TRAF1: variants seen among roughly 807,000 people sequenced by gnomAD.
TRAF1 encodes the protein TNF receptor-associated factor 1.
A neutral mutation model predicts 40.9 loss-of-function variants in TRAF1; 23 were observed. The observed-to-expected ratio is 0.56, with a 90% CI of 0.40 to 0.80. The LOEUF is 0.80. Among genes scored for constraint, TRAF1 ranks in the 30% least tolerant of loss-of-function variants. The pLI is 0.00. For missense variants in TRAF1, 477 were observed against 528.7 expected, an observed-to-expected ratio of 0.90 and a Z score of 0.96; for synonymous variants, 206 against 218.8, an observed-to-expected ratio of 0.94 and a Z score of 0.52.
In TRAF1 at chr9:120,916,894, G is replaced by A. The variant is rs546495078; in HGVS notation, c.229-2594C>T. ...AGGGAAGATGCTATGTGTAGACCTGGCTCCTTGGTGAATATACCTGGGGGA... is the reference window on the plus strand; with the variant it reads ...AGGGAAGATGCTATGTGTAGACCTGACTCCTTGGTGAATATACCTGGGGGA... On this transcript the variant is annotated intron_variant, in intron 3 of 7. Coordinates refer to ENST00000373887, the MANE Select transcript of TRAF1 (RefSeq NM_005658.5). 3.9e-5 allele frequency among the ~76,000 whole-genome samples: 6 copies of A among 152,242 alleles called. No individual in the cohort carries two copies. In the East Asian group the frequency reaches 9.6e-4, roughly 24 times the overall value.
chr9:120,912,144 G>A (rs761212502), intron 5 of TRAF1, among the ~76,000 whole-genome samples: 18 of 152,138 alleles, frequency 1.2e-4, no homozygotes, highest in Non-Finnish European at 1.9e-4. Context: ...AAATTTAATC[G>A]TTAATTTTAC....
intron 3 of TRAF1, among the ~76,000 whole-genome samples, chr9:120,919,023 C>T (rs549547718): frequency 2.6e-5 from 4 of 152,278 alleles, no homozygotes; most frequent in South Asian, 2.1e-4. Flanking sequence ...GCCTGGAGTC[C>T]GTGTGCAGGC....
chr9:120,906,491 T>C (rs943724783), intron 7 of TRAF1, among the ~76,000 whole-genome samples: 1 of 152,180 alleles, frequency 6.6e-6, no homozygotes, highest in Non-Finnish European at 1.5e-5. Context: ...GAATTTTTAA[T>C]AGATTGTATT....
chr9:120,912,245 G>T (rs1479387855), intron 5 of TRAF1, among the ~76,000 whole-genome samples: 3 of 152,192 alleles, frequency 2.0e-5, no homozygotes, highest in Admixed American at 6.5e-5. Context: ...ATTGCGAATG[G>T]TGAGGCAGAT....
At chr9:120,905,284 G>A (rs754012669) in intron 7 of TRAF1, 46 bp from the exon 8 acceptor site, 65 of 1,546,092 alleles carry the variant, frequency 4.2e-5, no homozygotes, top group African/African-American at 5.5e-5. Context: ...CAGCAGCAGC[G>A]CAGCTTGGAG....
At chr9:120,918,640 C>G (rs2046584548) in intron 3 of TRAF1, among the ~76,000 whole-genome samples, 1 of 152,152 alleles carries the variant, frequency 6.6e-6, no homozygotes, top group African/African-American at 2.4e-5. Flanking sequence ...AGGAACATTC[C>G]TAAATGAACA....
chr9:120,905,206 A>T lies in TRAF1; in HGVS notation c.1065T>A (p.Arg355=). The T allele has an allele frequency of 6.2e-7, 1 of 1,613,436 alleles. No individual in the cohort carries two copies. ...GCCGGAAGGCGTCAATGGCGTGCTC[A>T]CGGTTGTTCTGGTCCAGCAGCATGA... ...VTFMLLDQNN[R]EHAIDAFRPD... Residue 355 remains arginine (R), a synonymous_variant, in exon 8 of 8, where the codon CGT becomes CGA. Transcript: ENST00000373887.
chr9:120,910,735 A>G (rs1457326985), intron 6 of TRAF1, among the ~76,000 whole-genome samples: 1 of 152,222 alleles, frequency 6.6e-6, no homozygotes, highest in African/African-American at 2.4e-5. Flanking sequence ...GCACTGTTAT[A>G]TTAACAGATA....
In TRAF1 at chr9:120,905,094, G is replaced by A. The variant is rs755051203; in HGVS notation, c.1177C>T (p.Leu393=). The change falls in exon 8 of 8, where the codon CTG becomes TTG. Residue 393 remains leucine, a synonymous_variant. Coordinates refer to ENST00000373887, the MANE Select transcript of TRAF1 (RefSeq NM_005658.5). ...GCPLFFPLSK[L]QSPKHAYVKD... Reference sequence around the variant, plus strand: ...ACGTAGGCGTGCTTGGGTGACTGCAGTTTGCTGAGGGGGAAGAAGAGTGGG... The same window carrying A: ...ACGTAGGCGTGCTTGGGTGACTGCAATTTGCTGAGGGGGAAGAAGAGTGGG... 1.2e-6 allele frequency: 2 copies of A among 1,614,276 alleles called. No individual in the cohort carries two copies. Among genetic ancestry groups the A allele is most frequent in the Non-Finnish European group, 1.7e-6 (2 of 1,180,056 alleles).
intron 3 of TRAF1, chr9:120,914,606 G>A (rs1432313112): frequency 1.3e-5 from 14 of 1,046,068 alleles, no homozygotes; most frequent in African/African-American, 5.0e-5. Context: ...TGGTCGGGGG[G>A]GCTCTGTGAG....
In TRAF1 at chr9:120,904,875, C is replaced by T. The variant is rs73662463; in HGVS notation, c.*145G>A. On this transcript the variant is annotated 3_prime_UTR_variant, in exon 8 of 8. Transcript: ENST00000373887. ...TGCCATCCTAACCAGATGGCCAGCC[C>T]GAAGTCGACCCCTCAGTCTTGCTTG... 1.4e-5 allele frequency: 12 copies of T among 846,710 alleles called. No individual in the cohort carries two copies. The highest frequency in any genetic ancestry group is 2.0e-5 in the Non-Finnish European group (11 of 552,920). 52.4% of individuals were successfully genotyped at this position (846,710 alleles called of 1,614,324 possible).
intron 3 of TRAF1, chr9:120,914,603 G>C (rs1042047836): frequency 1.6e-5 from 17 of 1,053,576 alleles, no homozygotes; most frequent in South Asian, 1.4e-4. Context: ...GACTGGTCGG[G>C]GGGGCTCTGT....
upstream of TRAF1, chr9:120,927,357 T>C (rs2046647962): frequency 6.6e-6 from 1 of 152,242 alleles, no homozygotes. Context: ...GTTGAAATCC[T>C]GGGTCCACTG....
At chr9:120,915,198 T>C (rs935213227) in intron 3 of TRAF1, among the ~76,000 whole-genome samples, 2 of 125,734 alleles carry the variant, frequency 1.6e-5, no homozygotes, top group Non-Finnish European at 3.7e-5. Context: ...CATCATTGTG[T>C]GAACATCATA....
At chr9:120,924,154 T>TA (rs2046623141) in intron 2 of TRAF1, among the ~76,000 whole-genome samples, 1 of 152,126 alleles carries the variant, frequency 6.6e-6, no homozygotes, top group African/African-American at 2.4e-5. Flanking sequence ...TTTGCTTTTC[T>TA]AAAAAAAATT....
intron 3 of TRAF1, among the ~76,000 whole-genome samples, chr9:120,915,420 G>A (rs1200653629): frequency 1.3e-5 from 2 of 152,178 alleles, no homozygotes; most frequent in Non-Finnish European, 2.9e-5. Context: ...TGGGACCATC[G>A]TTGTATATGT....
At chr9:120,907,876 ATTTC>A (rs1213297159) in intron 7 of TRAF1, among the ~76,000 whole-genome samples, 3 of 149,326 alleles carry the variant, frequency 2.0e-5, no homozygotes, top group Admixed American at 6.7e-5. Flanking sequence ...CCGTTCCTCC[ATTTC>A]TTTCTTTCTC....
At chr9:120,925,155 G>A (rs1480407066) in intron 2 of TRAF1, among the ~76,000 whole-genome samples, 2 of 152,164 alleles carry the variant, frequency 1.3e-5, no homozygotes, top group Non-Finnish European at 2.9e-5. Flanking sequence ...CTGTAAAACC[G>A]CAAACAAAAG....
intron 5 of TRAF1, among the ~76,000 whole-genome samples, chr9:120,912,866 TG>T (rs1420075228): frequency 6.6e-6 from 1 of 152,142 alleles, no homozygotes; most frequent in Non-Finnish European, 1.5e-5. Flanking sequence ...GTGAAGGCGC[TG>T]GGGCTTTTAG....
Sources: gnomAD v4.1 joint callset for allele counts (sites outside exome capture counted in the v4.1 genomes callset) on GRCh38, gnomAD v4.1.1 for gene constraint, MANE v1.5 for transcripts, NCBI Gene and HGNC (gene_info 2026-07-23, HGNC 2026-07-21) for gene names.